Variants in FRMD4A observed in about 807,000 individuals in gnomAD.
FRMD4A encodes FERM domain containing 4A.
FRMD4A carries 29 observed loss-of-function variants against 129.1 expected under a neutral mutation model. The observed-to-expected ratio is 0.22, with a 90% CI of 0.17 to 0.31. The LOEUF (loss-of-function observed/expected upper bound fraction) is 0.31. FRMD4A is among the 10% of genes least tolerant of loss of function. The pLI is 1.00. For missense variants in FRMD4A, 1,272 were observed against 1,375.8 expected (o/e 0.92, Z 1.19); for synonymous variants, 634 against 571.6 (o/e 1.11, Z -1.56).
At chr10:14,036,514 C>A (rs188540534) in intron 2 of FRMD4A, among the ~76,000 whole-genome samples, 28 of 152,324 alleles carry the variant, frequency 1.8e-4, no homozygotes, top group African/African-American at 6.5e-4. Flanking sequence ...CACTTCTTAA[C>A]CCGGATTGCT....
intron 2 of FRMD4A, among the ~76,000 whole-genome samples, chr10:13,881,123 C>T (rs758848993): frequency 6.6e-5 from 10 of 151,496 alleles, no homozygotes; most frequent in East Asian, 1.9e-4. Flanking sequence ...ATTTTTTATA[C>T]GAAAAAAAGG....
At chr10:13,982,534 C>T (rs1355243147) in intron 2 of FRMD4A, among the ~76,000 whole-genome samples, 3 of 150,822 alleles carry the variant, frequency 2.0e-5, no homozygotes, top group East Asian at 2.0e-4. Flanking sequence ...CCTTGTTTGA[C>T]TGTAGGTCAT....
chr10:13,964,795 T>C (rs1289170652), intron 2 of FRMD4A, among the ~76,000 whole-genome samples: 3 of 151,844 alleles, frequency 2.0e-5, no homozygotes, highest in Admixed American at 6.6e-5. Context: ...TTCAAGCGAT[T>C]CTCCTGCCTC....
rs1565204474 is a variant in FRMD4A, at chr10:14,039,391, C to CTATCT, written c.46-180480_46-180479insAGATA. Among the ~76,000 whole-genome samples the CTATCT allele has an allele frequency of 6.0e-5, 8 of 132,396 alleles. No homozygotes were observed. In the East Asian group the frequency reaches 6.7e-4, roughly 11 times the overall value. 86.9% of individuals were successfully genotyped at this position (132,396 alleles called of 152,430 possible). On this transcript the variant is annotated intron_variant, in intron 2 of 24. Coordinates refer to ENST00000357447, the MANE Select transcript of FRMD4A (RefSeq NM_018027.5). Reference sequence around the variant, plus strand: ...CCGTCCATCCATCCATCCATCCATCCATCCATCCATCCATCCATCTATCTA... The same window carrying CTATCT: ...CCGTCCATCCATCCATCCATCCATCCTATCTATCCATCCATCCATCCATCTATCTA...
intron 2 of FRMD4A, among the ~76,000 whole-genome samples, chr10:14,205,043 CT>C (rs1165484230): frequency 9.5e-6 from 1 of 105,180 alleles, no homozygotes; most frequent in South Asian, 4.0e-4. Flanking sequence ...GCCTGATCAT[CT>C]TTTTTTTCTT....
Position 13,701,343 on chromosome 10 carries a change from A to G in FRMD4A, c.972T>C (p.Ser324=). 1 of 1,613,168 alleles carries G rather than the reference A, an allele frequency of 6.2e-7. No homozygotes were observed. The highest frequency in any genetic ancestry group is 8.5e-7 in the Non-Finnish European group (1 of 1,179,496). The change falls in exon 14 of 25, where the codon AGT becomes AGC. Residue 324 remains serine, a synonymous_variant. Coordinates refer to ENST00000357447, the MANE Select transcript of FRMD4A (RefSeq NM_018027.5). The part of the protein sequence containing the change: ...QHQFYLDRKQ[S]KSKIHAARSL... ...GGTGAGAGGTCTGGTCACTCACCTT[A>G]CTCTGCTTTCTGTCCAGATAGAACT...
At chr10:13,927,364 G>C (rs1383636015) in intron 2 of FRMD4A, among the ~76,000 whole-genome samples, 2 of 152,164 alleles carry the variant, frequency 1.3e-5, no homozygotes, top group Admixed American at 6.5e-5. Flanking sequence ...TAATAGAAAT[G>C]TTTTCTAGAA....
At chr10:14,272,962 TC>T (rs1845213448) in intron 2 of FRMD4A, among the ~76,000 whole-genome samples, 1 of 152,130 alleles carries the variant, frequency 6.6e-6, no homozygotes, top group Admixed American at 6.5e-5. Flanking sequence ...GCACCTGTAG[TC>T]CCAGCACTTT....
chr10:13,666,486 C>A (rs2083046538), intron 17 of FRMD4A, among the ~76,000 whole-genome samples, 161 bp from the exon 18 acceptor site: 1 of 152,276 alleles, frequency 6.6e-6, no homozygotes. Flanking sequence ...CCAGGCACAC[C>A]CACTGTTGTA....
At chr10:13,974,351 G>A (rs952699932) in intron 2 of FRMD4A, among the ~76,000 whole-genome samples, 10 of 152,206 alleles carry the variant, frequency 6.6e-5, no homozygotes, top group South Asian at 4.2e-4. Context: ...GATGAGTGGC[G>A]TGCTTTAGTG....
At chr10:13,896,815 T>A (rs761289536) in intron 2 of FRMD4A, among the ~76,000 whole-genome samples, 49 of 152,328 alleles carry the variant, frequency 3.2e-4, no homozygotes, top group Middle Eastern at 6.8e-3. Flanking sequence ...ATCCTTGGAA[T>A]TGACAGATAA....
chr10:14,281,633 A>G (rs1380423596), intron 2 of FRMD4A, among the ~76,000 whole-genome samples: 1 of 152,248 alleles, frequency 6.6e-6, no homozygotes, highest in African/African-American at 2.4e-5. Context: ...GTTCAGTGGC[A>G]TTAAGTACCT....
intron 13 of FRMD4A, among the ~76,000 whole-genome samples, chr10:13,701,781 C>A (rs2086855700): frequency 6.6e-6 from 1 of 152,144 alleles, no homozygotes; most frequent in Non-Finnish European, 1.5e-5. Flanking sequence ...CTTTTTCGAT[C>A]CTGGACTTGG....
chr10:14,319,367 T>TCTCTCTCTCTCTCTCTCTCACACACA (rs112041665), intron 2 of FRMD4A, among the ~76,000 whole-genome samples: 4 of 145,048 alleles, frequency 2.8e-5, no homozygotes, highest in African/African-American at 1.1e-4. Flanking sequence ...TCTCTCTCTC[T>TCTCTCTCTCTCTCTCTCTCACACACA]CACACACACA....
chr10:14,239,296 A>G (rs2132001035), intron 2 of FRMD4A, among the ~76,000 whole-genome samples: 1 of 152,350 alleles, frequency 6.6e-6, no homozygotes, highest in African/African-American at 2.4e-5. Context: ...TTAAATTGAT[A>G]AAAACAAAAA....
chr10:14,204,216 G>T (rs1289820323), intron 2 of FRMD4A, among the ~76,000 whole-genome samples: 1 of 150,136 alleles, frequency 6.7e-6, no homozygotes, highest in African/African-American at 2.5e-5. Context: ...TTGAGCCCAA[G>T]AGTTCAAGAC....
intron 2 of FRMD4A, among the ~76,000 whole-genome samples, chr10:14,117,226 A>G (rs929646700): frequency 6.6e-6 from 1 of 152,250 alleles, no homozygotes; most frequent in African/African-American, 2.4e-5. Context: ...AATCCAGAAG[A>G]AGGCAAGAGT....
intron 2 of FRMD4A, among the ~76,000 whole-genome samples, chr10:13,899,882 CTGGGAATTGA>C (rs2094799919): frequency 6.6e-6 from 1 of 152,174 alleles, no homozygotes; most frequent in African/African-American, 2.4e-5. Context: ...CGGAAGACAC[CTGGGAATTGA>C]TAGGCTCCTG....
At chr10:13,661,090 G>A (rs143735824) in intron 19 of FRMD4A, among the ~76,000 whole-genome samples, 1,715 of 152,182 alleles carry the variant, frequency 0.011, 31 homozygotes, top group Admixed American at 0.05. Flanking sequence ...GGGTGGATCG[G>A]GTGTCTACTC....
Sources: allele counts gnomAD v4.1 joint callset (sites outside exome capture counted in the v4.1 genomes callset), GRCh38; gene constraint gnomAD v4.1.1; transcripts MANE v1.5; gene names NCBI Gene and HGNC (gene_info 2026-07-23, HGNC 2026-07-21).